SLC6A5: variants seen among roughly 807,000 people sequenced by gnomAD.
SLC6A5 encodes sodium- and chloride-dependent glycine transporter 2.
SLC6A5 carries 58 observed loss-of-function variants against 90.5 expected under a neutral mutation model. That is an observed-to-expected ratio of 0.64 (90% CI 0.52 to 0.80). The LOEUF (loss-of-function observed/expected upper bound fraction) is 0.80. Among genes scored for constraint, SLC6A5 ranks in the 30% least tolerant of loss-of-function variants. The pLI is 0.00. For synonymous variants in SLC6A5, 427 were observed against 401.4 expected (o/e 1.06, Z -0.76); for missense variants, 1,015 against 1,017.6 (o/e 1.00, Z 0.03).
At chr11:20,638,335 A>C (rs1490125224) in intron 12 of SLC6A5, 124 bp from the exon 13 acceptor site, 1 of 728,060 alleles carries the variant, frequency 1.4e-6, no homozygotes, top group African/African-American at 1.7e-5. Flanking sequence ...AGAGGAGGGG[A>C]GATGCATGGA....
intron 6 of SLC6A5, among the ~76,000 whole-genome samples, chr11:20,615,138 A>C (rs1299041019): frequency 6.6e-6 from 1 of 152,222 alleles, no homozygotes; most frequent in East Asian, 1.9e-4. Context: ...TTCCATCTGC[A>C]CTTGGCTTCA....
At chr11:20,654,026 CT>C (rs1446285238) in intron 15 of SLC6A5, among the ~76,000 whole-genome samples, 2 of 152,104 alleles carry the variant, frequency 1.3e-5, no homozygotes, top group Non-Finnish European at 2.9e-5. Flanking sequence ...GTTTTCTTTC[CT>C]TTTTCTAGAA....
intron 6 of SLC6A5, among the ~76,000 whole-genome samples, chr11:20,616,127 C>T (rs1852779467): frequency 6.6e-6 from 1 of 152,190 alleles, no homozygotes; most frequent in African/African-American, 2.4e-5. Flanking sequence ...CATGACTCTT[C>T]TCCCAGTTGT....
rs748438413 is a variant in SLC6A5, at chr11:20,636,364, C to T, written c.1682C>T (p.Pro561Leu). 59 of 1,613,844 alleles carry T rather than the reference C, an allele frequency of 3.7e-5. No individual in the cohort carries two copies. The highest frequency in any genetic ancestry group is 4.7e-5 in the Non-Finnish European group (55 of 1,179,876). ...PEALTRLPLS[P>L]FWAIIFFLML... is the part of the protein sequence containing the mutation. ...GCCTTAACCAGGCTGCCTCTCTCTC[C>T]GTTCTGGGCCATCATCTTTTTCCTG... The change falls in exon 11 of 16, where the codon CCG becomes CTG. Residue 561 changes from proline (P) to leucine (L), a missense_variant. By Grantham distance (98) the Pro-to-Leu change is moderately conservative. This residue lies in a region of SLC6A5 where 442 missense variants were observed against 494.3 expected (regional missense o/e 0.89). Transcript: ENST00000525748.
At chr11:20,653,414 A>T (rs548532566) in intron 15 of SLC6A5, among the ~76,000 whole-genome samples, 41 of 152,298 alleles carry the variant, frequency 2.7e-4, no homozygotes, top group Middle Eastern at 3.4e-3. Context: ...GACTCAGGTG[A>T]TAGAAGGCAG....
intron 11 of SLC6A5, among the ~76,000 whole-genome samples, chr11:20,636,963 AT>A (rs766078432): frequency 6.6e-6 from 1 of 152,034 alleles, no homozygotes; most frequent in African/African-American, 2.4e-5. Flanking sequence ...TGGAAGTGCA[AT>A]TTTTAAAGCT....
intron 2 of SLC6A5, 77 bp from the exon 3 acceptor site, chr11:20,604,209 G>GC (rs1342311065): frequency 6.6e-6 from 10 of 1,521,576 alleles, no homozygotes; most frequent in Non-Finnish European, 8.9e-6. Context: ...AGGACCCCTA[G>GC]CGGGGGGGAG....
At chr11:20,606,097 G>A (rs778634763) in intron 3 of SLC6A5, among the ~76,000 whole-genome samples, 1 of 152,230 alleles carries the variant, frequency 6.6e-6, no homozygotes, top group Non-Finnish European at 1.5e-5. Context: ...GCAGCAGCAT[G>A]TTCTGGTCAA....
chr11:20,630,679 T>G lies in SLC6A5; in HGVS notation c.1500-12T>G. The G allele has an allele frequency of 6.2e-7, 1 of 1,614,220 alleles. No homozygotes were observed. The highest frequency in any genetic ancestry group is 2.2e-5 in the East Asian group (1 of 44,888). ...GCACACCTAATGGAAAACTCTGGTC[T>G]CTTCCTTCCAGGGACACTCTAATTG... On this transcript the variant is annotated splice_polypyrimidine_tract_variant and intron_variant, in intron 9 of 15. Coordinates refer to ENST00000525748, the MANE Select transcript of SLC6A5 (RefSeq NM_004211.5).
At chr11:20,605,080 C>T (rs1852552492) in intron 3 of SLC6A5, among the ~76,000 whole-genome samples, 1 of 152,142 alleles carries the variant, frequency 6.6e-6, no homozygotes, top group Non-Finnish European at 1.5e-5. Context: ...GCATCGGCTG[C>T]TGGGCCACTA....
chr11:20,600,360 GAAGAA>G (rs1852439548), intron 1 of SLC6A5, among the ~76,000 whole-genome samples: 1 of 144,012 alleles, frequency 6.9e-6, no homozygotes, highest in South Asian at 2.2e-4. Context: ...AGAAGAAGAA[GAAGAA>G]GAAGAAGAAG....
chr11:20,640,172 C>T lies in SLC6A5; in HGVS notation c.1969+1614C>T, dbSNP rs143393944. Among the ~76,000 whole-genome samples the T allele has an allele frequency of 2.3e-3, 346 of 152,246 alleles. 1 individual carries two copies. Among genetic ancestry groups the T allele is most frequent in the African/African-American group, 7.8e-3 (325 of 41,540 alleles). ...CAACATGTAAGCTGAGGTCACTAGA[C>T]GATCAGTTGGCAAAGTCGGGAAAGC... On this transcript the variant is annotated intron_variant, in intron 13 of 15. Transcript: ENST00000525748.
In SLC6A5 at chr11:20,611,909, A is replaced by G. The variant is rs560146144; in HGVS notation, c.986-2770A>G. 1.6e-3 allele frequency among the ~76,000 whole-genome samples: 244 copies of G among 151,844 alleles called. 1 individual carries two copies. The highest frequency in any genetic ancestry group is 5.8e-3 in the African/African-American group (240 of 41,406). On this transcript the variant is annotated intron_variant, in intron 5 of 15. Coordinates refer to ENST00000525748, the MANE Select transcript of SLC6A5 (RefSeq NM_004211.5). ...CTTGCAGGGGTATTGGTCCTTTGGA[A>G]TTCTGGGGTGACTTAAAAAAGGTCC...
intron 8 of SLC6A5, among the ~76,000 whole-genome samples, chr11:20,627,077 GA>G (rs753152997): frequency 2.6e-5 from 4 of 152,214 alleles, no homozygotes; most frequent in Non-Finnish European, 5.9e-5. Context: ...GGCCGAAAAT[GA>G]AGAATGAAAT....
At chr11:20,618,349 C>T (rs974681264) in intron 7 of SLC6A5, among the ~76,000 whole-genome samples, 2 of 152,220 alleles carry the variant, frequency 1.3e-5, no homozygotes, top group African/African-American at 4.8e-5. Flanking sequence ...TCACTCCCGG[C>T]CACCATGTTC....
intron 3 of SLC6A5, 46 bp from the exon 4 acceptor site, chr11:20,606,961 C>G: frequency 6.2e-7 from 1 of 1,613,610 alleles, no homozygotes; most frequent in Non-Finnish European, 8.5e-7. Flanking sequence ...AGGGCAGCAG[C>G]CTGCTTTTGC....
At chr11:20,601,899 C>T (rs1236100355) in intron 2 of SLC6A5, among the ~76,000 whole-genome samples, 1 of 152,246 alleles carries the variant, frequency 6.6e-6, no homozygotes, top group East Asian at 1.9e-4. Flanking sequence ...TGCCCCTTCC[C>T]AGCCTTGGCG....
intron 13 of SLC6A5, among the ~76,000 whole-genome samples, chr11:20,644,212 G>A (rs1853366654): frequency 6.6e-6 from 1 of 152,060 alleles, no homozygotes. Flanking sequence ...CTGAAACACT[G>A]TATCCTTGAC....
intron 5 of SLC6A5, among the ~76,000 whole-genome samples, chr11:20,611,041 A>C (rs1325365576): frequency 6.6e-6 from 1 of 152,188 alleles, no homozygotes; most frequent in Non-Finnish European, 1.5e-5. Context: ...CACTACGTAC[A>C]TTTGCATCCC....
Sources: allele counts gnomAD v4.1 joint callset (sites outside exome capture counted in the v4.1 genomes callset), GRCh38; gene constraint gnomAD v4.1.1; regional missense constraint gnomAD v4.1.1; transcripts MANE v1.5; gene names NCBI Gene and HGNC (gene_info 2026-07-23, HGNC 2026-07-21).